GSE1: variants seen among roughly 807,000 people sequenced by gnomAD.
GSE1 encodes the protein genetic suppressor element 1.
In GSE1, 32 loss-of-function variants were observed where a neutral mutation model predicts 112.6. The ratio of observed to expected loss-of-function variants is 0.28; its 90% confidence interval spans 0.21 to 0.38. The LOEUF is 0.38. Among genes scored for constraint, GSE1 ranks in the 10% least tolerant of loss-of-function variants. GSE1 has a pLI of 1.00. For missense variants in GSE1, 2,348 were observed against 1,699.2 expected (o/e 1.38, Z -6.71); for synonymous variants, 1,115 against 735.6 (o/e 1.52, Z -8.35).
chr16:85,220,703 A>G (rs1398746165), intron 1 of GSE1, among the ~76,000 whole-genome samples: 1 of 151,042 alleles, frequency 6.6e-6, no homozygotes, highest in East Asian at 2.0e-4. Context: ...TGGCTTTGCC[A>G]CTCTCGTGCT....
chr16:85,552,328 C>CTTT (rs1195413161), upstream of GSE1, among the ~76,000 whole-genome samples: 28 of 47,752 alleles, frequency 5.9e-4, no homozygotes, highest in Non-Finnish European at 7.8e-4. Flanking sequence ...CCCGCCCCTC[C>CTTT]TTTTTTTTTT....
intron 15 of GSE1, 175 bp from the exon 16 acceptor site, chr16:85,672,230 G>T: frequency 1.7e-6 from 1 of 605,910 alleles, no homozygotes; most frequent in Admixed American, 2.5e-5. Flanking sequence ...CCTGACGACA[G>T]GTGATCTGCC....
chr16:85,465,676 T>C (rs2050103627), intron 2 of GSE1, among the ~76,000 whole-genome samples: 1 of 152,096 alleles, frequency 6.6e-6, no homozygotes, highest in Non-Finnish European at 1.5e-5. Flanking sequence ...CCATAAGTCA[T>C]CTCTCCTGCC....
intron 1 of GSE1, among the ~76,000 whole-genome samples, chr16:85,240,798 T>A (rs1343231427): frequency 6.6e-6 from 1 of 152,176 alleles, no homozygotes; most frequent in African/African-American, 2.4e-5. Context: ...TGAATTGTAT[T>A]CAGAGGCTGG....
At chr16:85,326,943 C>T (rs1021564099) in intron 1 of GSE1, among the ~76,000 whole-genome samples, 1 of 152,248 alleles carries the variant, frequency 6.6e-6, no homozygotes, top group Non-Finnish European at 1.5e-5. Flanking sequence ...GCTGTTTTTG[C>T]TCACAGGTCT....
At chr16:85,382,245 C>G (rs539544392) in intron 2 of GSE1, among the ~76,000 whole-genome samples, 19 of 152,204 alleles carry the variant, frequency 1.2e-4, no homozygotes, top group Non-Finnish European at 2.8e-4. Flanking sequence ...TGGTCATTCT[C>G]CAGCCCGCCC....
At position 85,604,564 on chromosome 16, in the gene GSE1, C is replaced by A. The variant is rs146531997; in HGVS notation, c.38-43988C>A. Among the ~76,000 whole-genome samples, 650 of 149,810 alleles carry A rather than the reference C, an allele frequency of 4.3e-3. 6 individuals are homozygous for A. Among genetic ancestry groups the A allele is most frequent in the African/African-American group, 0.015 (618 of 40,640 alleles). On this transcript the variant is annotated intron_variant, in intron 1 of 2. Transcript: ENST00000635906. ...TGTGGCTGAATAATATTCCATTGTA[C>A]ACAGAGACCACATTTTGTTTATCTC... is the stretch of plus-strand genomic sequence containing the variant.
exon 1 of GSE1, chr16:85,170,435 T>C (rs1329682331): frequency 2.0e-6 from 2 of 985,460 alleles, no homozygotes; most frequent in Non-Finnish European, 1.2e-6. Flanking sequence ...ACTAAGACCC[T>C]GGAGAGCAGG....
rs1300782475 is a variant in GSE1 at position 85,565,141 on chromosome 16, C to T, written c.37+8778C>T. On this transcript the variant is annotated intron_variant, in intron 1 of 2. Transcript: ENST00000635906. ...GCACGGTGCCTCACGCCTGTTATCCCAGCACTTTGGGAACCCGAGGCAGGT... is the reference window on the plus strand; with the variant it reads ...GCACGGTGCCTCACGCCTGTTATCCTAGCACTTTGGGAACCCGAGGCAGGT... Among the ~76,000 whole-genome samples, 7 of 152,224 alleles carry T rather than the reference C, an allele frequency of 4.6e-5. No individual in the cohort carries two copies. In the East Asian group the frequency reaches 1.3e-3, roughly 29 times the overall value.
At chr16:85,614,919 T>A (rs1338009562) in intron 1 of GSE1, among the ~76,000 whole-genome samples, 3 of 151,984 alleles carry the variant, frequency 2.0e-5, no homozygotes, top group Non-Finnish European at 2.9e-5. Context: ...CGAACCCGCC[T>A]AAGCCGATTT....
intron 1 of GSE1, among the ~76,000 whole-genome samples, chr16:85,621,147 C>T (rs916885874): frequency 3.3e-5 from 5 of 151,630 alleles, no homozygotes; most frequent in African/African-American, 9.7e-5. Flanking sequence ...TTGGGGAACC[C>T]GTTTAGATGG....
At chr16:85,590,765 G>C (rs1387708350) in intron 1 of GSE1, among the ~76,000 whole-genome samples, 1 of 152,182 alleles carries the variant, frequency 6.6e-6, no homozygotes, top group Non-Finnish European at 1.5e-5. Flanking sequence ...TGGGTGTTGG[G>C]CTCCCGCCCG....
intron 1 of GSE1, among the ~76,000 whole-genome samples, chr16:85,196,565 AGAGTT>A (rs747485147): frequency 1.3e-5 from 2 of 151,872 alleles, no homozygotes; most frequent in South Asian, 4.2e-4. Flanking sequence ...GGGAGTTTGG[AGAGTT>A]TTCTGGATTC....
intron 2 of GSE1, among the ~76,000 whole-genome samples, chr16:85,507,401 G>C (rs1410995921): frequency 6.6e-6 from 1 of 152,212 alleles, no homozygotes; most frequent in Non-Finnish European, 1.5e-5. Context: ...GGGCCGGGGT[G>C]GGGAGGGCAG....
chr16:85,382,179 C>CG (rs894257471), intron 2 of GSE1, among the ~76,000 whole-genome samples: 1 of 152,142 alleles, frequency 6.6e-6, no homozygotes, highest in African/African-American at 2.4e-5. Context: ...TGCTGGGGCC[C>CG]GGGGCTCGCT....
rs117464512 is a variant in GSE1, at chr16:85,571,151, C to T, written c.37+14788C>T. Among the ~76,000 whole-genome samples the T allele has an allele frequency of 2.4e-3, 360 of 152,270 alleles. 8 individuals carry two copies. In the East Asian group the frequency reaches 0.051, roughly 22 times the overall value. ...GGTCTGGGAGGGGCCCTAGGCTCTG[C>T]CTTTCTAACAAGGCACAGGGGAACT... On this transcript the variant is annotated intron_variant, in intron 1 of 2. Transcript: ENST00000635906.
At chr16:85,440,316 A>C (rs1456362542) in intron 2 of GSE1, among the ~76,000 whole-genome samples, 4 of 152,210 alleles carry the variant, frequency 2.6e-5, no homozygotes, top group Non-Finnish European at 5.9e-5. Context: ...TTGCTCTAGC[A>C]AATCACAAGC....
intron 1 of GSE1, among the ~76,000 whole-genome samples, chr16:85,184,411 T>A (rs551966909): frequency 3.3e-5 from 5 of 152,336 alleles, no homozygotes; most frequent in Admixed American, 3.3e-4. Context: ...TCCCTCAGGA[T>A]GTGGAGAGAG....
chr16:85,612,830 G>A (rs1031168093), upstream of GSE1, among the ~76,000 whole-genome samples: 1 of 152,218 alleles, frequency 6.6e-6, no homozygotes, highest in South Asian at 2.1e-4. Flanking sequence ...CCATTATTGG[G>A]CCTGCTCTGT....
Sources: gnomAD v4.1 joint callset for allele counts (sites outside exome capture counted in the v4.1 genomes callset) on GRCh38, gnomAD v4.1.1 for gene constraint, MANE v1.5 for transcripts, NCBI Gene and HGNC (gene_info 2026-07-23, HGNC 2026-07-21) for gene names.